The following MCM10 variants were observed in gnomAD, a reference collection of about 807,000 sequenced individuals.
MCM10 encodes the protein protein MCM10 homolog.
A neutral mutation model predicts 109.9 loss-of-function variants in MCM10; 91 were observed. That is an observed-to-expected ratio of 0.83 (90% confidence interval 0.70 to 0.99). The LOEUF (loss-of-function observed/expected upper bound fraction) is 0.99, where lower values mean the gene tolerates loss of function less well. Ranked by LOEUF, MCM10 falls within the 50% of genes least tolerant of loss-of-function variation. MCM10 has a pLI of 0.00. For missense variants in MCM10, 1,077 were observed against 1,061.2 expected (o/e 1.01, Z -0.21); for synonymous variants, 380 against 387.2 (o/e 0.98, Z 0.22).
At position 13,171,037 on chromosome 10, in the gene MCM10, A is replaced by G. The variant is rs1588466210; in HGVS notation, c.123A>G (p.Ala41=). Residue 41 remains alanine (A), a synonymous_variant, in exon 3 of 20, where the codon GCA becomes GCG. Transcript: ENST00000378714. ...CGCGGGAAAATGGCGAGCCCGACGC[A>G]TTTGATGAGCTCTTTGATGCCGACG... The part of the protein sequence containing the change: ...FLTRENGEPD[A]FDELFDADGD... 2 of 1,614,116 alleles carry G rather than the reference A, an allele frequency of 1.2e-6. No individual in the cohort carries two copies. The highest frequency in any genetic ancestry group is 1.7e-6 in the Non-Finnish European group (2 of 1,180,056).
At chr10:13,177,652 G>T (rs2131564754) in intron 6 of MCM10, among the ~76,000 whole-genome samples, 1 of 151,828 alleles carries the variant, frequency 6.6e-6, no homozygotes, top group African/African-American at 2.4e-5. Flanking sequence ...GTGGCAGATT[G>T]CTTGAGCTCA....
chr10:13,171,867 T>C (rs1479640680), intron 3 of MCM10, among the ~76,000 whole-genome samples: 1 of 152,002 alleles, frequency 6.6e-6, no homozygotes, highest in East Asian at 1.9e-4. Flanking sequence ...CAGGCTCAAG[T>C]GATCTTCCTG....
intron 16 of MCM10, 40 bp downstream of exon 16, chr10:13,198,847 T>C: frequency 7.4e-7 from 1 of 1,345,892 alleles, no homozygotes; most frequent in South Asian, 1.2e-5. Flanking sequence ...TGATGTCCGA[T>C]GTCCTTCAAA....
At chr10:13,162,396 C>G (rs1340007452) in intron 1 of MCM10, among the ~76,000 whole-genome samples, 1 of 152,018 alleles carries the variant, frequency 6.6e-6, no homozygotes. Context: ...GATTTATGTT[C>G]CTAAAGGTTA....
intron 1 of MCM10, among the ~76,000 whole-genome samples, chr10:13,162,895 C>T (rs765511476): frequency 4.5e-4 from 69 of 152,076 alleles, no homozygotes; most frequent in Non-Finnish European, 9.1e-4. Flanking sequence ...CTGGCTAATA[C>T]GGTGAAACCC....
At chr10:13,176,516 T>C (rs889654449) in intron 6 of MCM10, among the ~76,000 whole-genome samples, 2 of 152,174 alleles carry the variant, frequency 1.3e-5, no homozygotes, top group African/African-American at 4.8e-5. Context: ...CTTGTCAGTG[T>C]AAATATCAGC....
Position 13,171,059 on chromosome 10 carries a change from G to T in MCM10, c.145G>T (p.Asp49Tyr). The T allele has an allele frequency of 6.2e-7, 1 of 1,614,190 alleles. No individual in the cohort carries two copies. ...CGCATTTGATGAGCTCTTTGATGCC[G>T]ACGGCGACGGTGAATCTTATACAGA... ...PDAFDELFDA[D>Y]GDGESYTEEA... The change falls in exon 3 of 20, where the codon GAC (aspartate) becomes TAC (tyrosine). Residue 49 changes from aspartate to tyrosine, a missense_variant. Coordinates refer to ENST00000378714, the MANE Select transcript of MCM10 (RefSeq NM_018518.5).
Position 13,186,278 on chromosome 10 carries a change from T to C in MCM10, c.1213T>C (p.Leu405=), listed in dbSNP as rs1373007834. The part of the protein sequence containing the change: ...NGEPCTQTVN[L]RDCEYCQYHV... ...AGAGCCGTGCACGCAGACTGTGAAT[T>C]TGGTTGGTTTCAGCCTTGTTAGGAT... is the stretch of plus-strand genomic sequence containing the variant. The change falls in exon 9 of 20, where the codon TTG becomes CTG. Residue 405 remains leucine (L), a splice_region_variant and synonymous_variant. Transcript: ENST00000378714. 1.2e-6 allele frequency: 2 copies of C among 1,604,516 alleles called. No homozygotes were observed. Among genetic ancestry groups the C allele is most frequent in the East Asian group, 4.5e-5 (2 of 44,730 alleles).
At chr10:13,177,508 C>CTTTTTTTTTTTTT (rs60316855) in intron 6 of MCM10, among the ~76,000 whole-genome samples, 7 of 105,266 alleles carry the variant, frequency 6.6e-5, no homozygotes, top group East Asian at 2.6e-4. Flanking sequence ...GATTTTGGAG[C>CTTTTTTTTTTTTT]TTTTTTTTTT....
intron 3 of MCM10, 99 bp downstream of exon 3, chr10:13,171,362 G>C: frequency 9.0e-7 from 1 of 1,107,726 alleles, no homozygotes; most frequent in Non-Finnish European, 1.3e-6. Context: ...TTCAAGGGTA[G>C]AGATAAATGA....
chr10:13,166,661 CATATATATAT>C lies in MCM10; in HGVS notation c.7+2471_7+2480del, dbSNP rs60500036. Reference sequence around the variant, plus strand: ...AAAAAAAAAAAAAAATACATACATACATATATATATATATATATATATATATATCATCAGC... The same window carrying C: ...AAAAAAAAAAAAAAATACATACATACATATATATATATATATATCATCAGC... On this transcript the variant is annotated intron_variant, in intron 2 of 19. Coordinates refer to ENST00000378714, the MANE Select transcript of MCM10 (RefSeq NM_018518.5). Among the ~76,000 whole-genome samples, 852 of 89,668 alleles carry C rather than the reference CATATATATAT, an allele frequency of 9.5e-3. 13 individuals are homozygous for C. The highest frequency in any genetic ancestry group is 0.056 in the Middle Eastern group (11 of 196). The allele number at this position is 89,668 out of a possible 152,430, so 58.8% of individuals were successfully genotyped here. A position where few individuals can be genotyped will look rare whatever the true frequency, so the allele number is the denominator to read the frequency against.
At chr10:13,193,499 G>A (rs1046629668) in intron 13 of MCM10, among the ~76,000 whole-genome samples, 1 of 152,154 alleles carries the variant, frequency 6.6e-6, no homozygotes. Context: ...CAGAGAGCTA[G>A]TTTATGGTGG....
chr10:13,204,160 G>T, intron 17 of MCM10, 59 bp from the exon 18 acceptor site: 1 of 1,586,470 alleles, frequency 6.3e-7, no homozygotes, highest in South Asian at 1.1e-5. Context: ...TACTGCAGCT[G>T]AGCATTTGTC....
At chr10:13,187,629 A>G (rs1834292027) in intron 9 of MCM10, among the ~76,000 whole-genome samples, 1 of 152,012 alleles carries the variant, frequency 6.6e-6, no homozygotes, top group Non-Finnish European at 1.5e-5. Flanking sequence ...CTGTTACTCT[A>G]TTTCTTTTTT....
At chr10:13,169,583 A>T (rs1397868275) in intron 2 of MCM10, among the ~76,000 whole-genome samples, 2 of 152,250 alleles carry the variant, frequency 1.3e-5, no homozygotes, top group African/African-American at 4.8e-5. Context: ...CGTATTTAGT[A>T]GTGGGGAAAA....
intron 10 of MCM10, 88 bp downstream of exon 10, chr10:13,189,168 G>T: frequency 7.3e-7 from 1 of 1,378,002 alleles, no homozygotes; most frequent in East Asian, 2.3e-5. Context: ...AACCGTCATA[G>T]GATACTTGTA....
intron 9 of MCM10, 58 bp from the exon 10 acceptor site, chr10:13,188,823 C>T (rs1378309838): frequency 2.3e-5 from 33 of 1,429,416 alleles, no homozygotes; most frequent in Admixed American, 5.0e-5. Flanking sequence ...TGTGTCTGCT[C>T]ACTGCTGTTT....
Position 13,209,214 on chromosome 10 carries a change from T to C in MCM10, c.2542-13T>C. ...TGGAACCATCTCCTATTAAAATATT[T>C]TCATTTTTCTAGGAAAAGACTGGTC... On this transcript the variant is annotated splice_polypyrimidine_tract_variant and intron_variant, in intron 19 of 19. Transcript: ENST00000378714. The C allele has an allele frequency of 1.2e-6, 2 of 1,610,294 alleles. No homozygotes were observed. Among genetic ancestry groups the C allele is most frequent in the Non-Finnish European group, 8.5e-7 (1 of 1,176,564 alleles).
chr10:13,204,517 T>A, intron 18 of MCM10, 153 bp downstream of exon 18: 1 of 935,974 alleles, frequency 1.1e-6, no homozygotes, highest in South Asian at 1.8e-5. Context: ...TTAACTGAAA[T>A]CCCTGGAAGG....
Sources: gnomAD v4.1 joint callset for allele counts (sites outside exome capture counted in the v4.1 genomes callset) on GRCh38, gnomAD v4.1.1 for gene constraint, MANE v1.5 for transcripts, NCBI Gene and HGNC (gene_info 2026-07-23, HGNC 2026-07-21) for gene names.